Variants in SHISA9 observed in about 807,000 individuals in gnomAD.
SHISA9 encodes shisa family member 9.
In SHISA9, 13 loss-of-function variants were observed where a neutral mutation model predicts 38.0. That is an observed-to-expected ratio of 0.34 (90% CI 0.22 to 0.54). The LOEUF (loss-of-function observed/expected upper bound fraction) is 0.54. Ranked by LOEUF, SHISA9 falls within the 20% of genes least tolerant of loss-of-function variation. The probability of loss-of-function intolerance (pLI) is 0.91; values close to 1 mark genes in which losing one functional copy is unlikely to be tolerated. For synonymous variants in SHISA9, 275 were observed against 242.0 expected, an observed-to-expected ratio of 1.14 and a Z score of -1.27; for missense variants, 538 against 575.8, an observed-to-expected ratio of 0.93 and a Z score of 0.67.
At chr16:13,513,126 A>G in the SHISA9 span, among the ~76,000 whole-genome samples, 2 of 152,276 alleles carry the variant, frequency 1.3e-5, no homozygotes, top group Non-Finnish European at 2.9e-5. Flanking sequence ...AAGATCTAAT[A>G]TCCAGAATCT....
At chr16:13,507,677 C>T in the SHISA9 span, among the ~76,000 whole-genome samples, 8 of 152,148 alleles carry the variant, frequency 5.3e-5, no homozygotes, top group African/African-American at 7.2e-5. Context: ...TGTTTTGCAA[C>T]AGGAAGTCAA....
At chr16:12,970,855 A>G (rs2141810480) in intron 2 of SHISA9, among the ~76,000 whole-genome samples, 1 of 152,156 alleles carries the variant, frequency 6.6e-6, no homozygotes, top group East Asian at 1.9e-4. Flanking sequence ...GTTCAGAAGA[A>G]TGTAAGCCCA....
At chr16:13,157,985 G>C (rs2050562167) in intron 2 of SHISA9, among the ~76,000 whole-genome samples, 2 of 152,200 alleles carry the variant, frequency 1.3e-5, no homozygotes, top group Non-Finnish European at 2.9e-5. Context: ...TCCTCAGTTA[G>C]TCTGAAACAA....
intron 2 of SHISA9, among the ~76,000 whole-genome samples, chr16:13,100,476 C>T (rs2073867694): frequency 6.6e-6 from 1 of 152,134 alleles, no homozygotes; most frequent in African/African-American, 2.4e-5. Flanking sequence ...GCAGGTTGCA[C>T]AGGACTTGGG....
chr16:13,089,475 C>T (rs1479507917), intron 2 of SHISA9, among the ~76,000 whole-genome samples: 1 of 152,168 alleles, frequency 6.6e-6, no homozygotes, highest in Non-Finnish European at 1.5e-5. Flanking sequence ...GCCTCAATTA[C>T]AGAGCCTGTT....
chr16:13,307,529 T>C, the SHISA9 span, among the ~76,000 whole-genome samples: 1 of 152,112 alleles, frequency 6.6e-6, no homozygotes, highest in African/African-American at 2.4e-5. Flanking sequence ...ATGCCAACCA[T>C]TATGCTGACT....
intron 2 of SHISA9, among the ~76,000 whole-genome samples, chr16:13,036,487 G>C (rs1373131413): frequency 1.3e-5 from 2 of 152,268 alleles, no homozygotes; most frequent in Non-Finnish European, 2.9e-5. Context: ...GGTTATTAAG[G>C]TGGGTGAGAT....
the SHISA9 span, among the ~76,000 whole-genome samples, chr16:13,499,216 C>T: frequency 6.6e-6 from 1 of 152,166 alleles, no homozygotes; most frequent in Non-Finnish European, 1.5e-5. Context: ...TGTATCTAAA[C>T]CTCATTGTGC....
the SHISA9 span, among the ~76,000 whole-genome samples, chr16:13,541,072 C>T: frequency 3.3e-5 from 5 of 152,250 alleles, no homozygotes; most frequent in South Asian, 4.1e-4. Flanking sequence ...AACTCAGTGG[C>T]GACAAGCTGT....
the SHISA9 span, among the ~76,000 whole-genome samples, chr16:13,272,328 A>T: frequency 2.0e-5 from 3 of 152,120 alleles, no homozygotes; most frequent in Admixed American, 6.5e-5. Context: ...TGACCCTACA[A>T]TGACCTTTCC....
the SHISA9 span, among the ~76,000 whole-genome samples, chr16:13,414,532 A>T: frequency 6.6e-6 from 1 of 152,190 alleles, no homozygotes; most frequent in Non-Finnish European, 1.5e-5. Context: ...TGAGGCTCAG[A>T]GAAGTAAAAA....
intron 2 of SHISA9, among the ~76,000 whole-genome samples, chr16:13,127,021 CAGAG>C (rs916071596): frequency 2.8e-5 from 3 of 106,812 alleles, no homozygotes; most frequent in African/African-American, 7.6e-5. Flanking sequence ...GGGAAGGAGA[CAGAG>C]AGAGCCGAAG....
At position 13,239,285 on chromosome 16, in the gene SHISA9, C is replaced by G. The variant is rs565652483; in HGVS notation, c.*3876C>G. The G allele has an allele frequency of 1.3e-5, 2 of 151,280 alleles. No individual in the cohort carries two copies. Among genetic ancestry groups the G allele is most frequent in the Non-Finnish European group, 2.9e-5 (2 of 67,890 alleles). The allele number at this position is 151,280 out of a possible 1,614,324, so 9.4% of individuals were successfully genotyped here. A position where few individuals can be genotyped will look rare whatever the true frequency, so the allele number is the denominator to read the frequency against. ...AAGTCTTTGCTATTGTGAATAGTGC[C>G]GCAATAAACATACGTGTGCATGTGT... On this transcript the variant is annotated 3_prime_UTR_variant, in exon 5 of 5. Transcript: ENST00000558583.
At chr16:12,908,673 G>T (rs1330994844) in intron 1 of SHISA9, 12 of 1,533,286 alleles carry the variant, frequency 7.8e-6, no homozygotes, top group Middle Eastern at 1.8e-4. Flanking sequence ...AGTACGCGAT[G>T]CCCTGCAAAC....
intron 2 of SHISA9, among the ~76,000 whole-genome samples, chr16:13,049,764 C>A (rs1280145034): frequency 6.6e-6 from 1 of 152,100 alleles, no homozygotes; most frequent in Non-Finnish European, 1.5e-5. Flanking sequence ...CCTGACATCA[C>A]CCTCCTGCCT....
the SHISA9 span, among the ~76,000 whole-genome samples, chr16:13,455,543 T>C: frequency 6.6e-6 from 1 of 152,242 alleles, no homozygotes; most frequent in African/African-American, 2.4e-5. Context: ...AGCCTGTGTT[T>C]AGGAAGCATT....
chr16:13,559,964 AG>A, the SHISA9 span, among the ~76,000 whole-genome samples: 1 of 152,242 alleles, frequency 6.6e-6, no homozygotes, highest in Non-Finnish European at 1.5e-5. Context: ...GGGAATAAAG[AG>A]GAACTCTGTT....
intron 2 of SHISA9, among the ~76,000 whole-genome samples, chr16:12,940,860 A>G (rs545055484): frequency 6.6e-6 from 1 of 152,284 alleles, no homozygotes; most frequent in African/African-American, 2.4e-5. Context: ...CACTGTGTAG[A>G]TGAAATGGAA....
chr16:13,001,040 G>C (rs34367582), intron 2 of SHISA9, among the ~76,000 whole-genome samples: 29,484 of 152,044 alleles, frequency 0.19, 3,619 homozygotes, highest in Middle Eastern at 0.33. Flanking sequence ...CGATTCTCCT[G>C]CCTCACCCCG....
Sources: allele counts gnomAD v4.1 joint callset (sites outside exome capture counted in the v4.1 genomes callset), GRCh38; gene constraint gnomAD v4.1.1; transcripts MANE v1.5; gene names NCBI Gene and HGNC (gene_info 2026-07-23, HGNC 2026-07-21).